RUNX2: variants seen among roughly 807,000 people sequenced by gnomAD.
RUNX2 encodes the protein RUNX family transcription factor 2, also known as runt-related transcription factor 2.
In RUNX2, 10 loss-of-function variants were observed where a neutral mutation model predicts 51.7. The ratio of observed to expected loss-of-function variants is 0.19; its 90% CI spans 0.12 to 0.33. RUNX2 has a LOEUF of 0.33. RUNX2 is among the 10% of genes least tolerant of loss of function. The pLI, the probability that RUNX2 is intolerant of heterozygous loss-of-function variation, is 1.00. For synonymous variants in RUNX2, 276 were observed against 273.6 expected (o/e 1.01, Z -0.09); for missense variants, 562 against 691.3 (o/e 0.81, Z 2.10).
At chr6:45,465,255 A>T (rs1019060748) in intron 5 of RUNX2, among the ~76,000 whole-genome samples, 1 of 152,150 alleles carries the variant, frequency 6.6e-6, no homozygotes, top group Admixed American at 6.5e-5. Context: ...ATCCCAGAGG[A>T]TCTTTCAGAG....
chr6:45,340,643 GA>G (rs776564679), intron 2 of RUNX2, among the ~76,000 whole-genome samples: 3 of 149,562 alleles, frequency 2.0e-5, no homozygotes, highest in Non-Finnish European at 3.0e-5. Context: ...AGTTTGATCA[GA>G]AAAAAAAAGT....
intron 8 of RUNX2, 59 bp from the exon 9 acceptor site, chr6:45,546,768 A>G: frequency 7.3e-7 from 1 of 1,373,434 alleles, no homozygotes; most frequent in South Asian, 1.2e-5. Context: ...TAACAATTCT[A>G]TCATTATTTT....
chr6:45,419,668 C>T (rs1373081010), intron 2 of RUNX2, among the ~76,000 whole-genome samples: 1 of 152,150 alleles, frequency 6.6e-6, no homozygotes, highest in African/African-American at 2.4e-5. Context: ...CGGCGGTGCC[C>T]GGGGTTAGAG....
chr6:45,453,861 A>G (rs1351960269), intron 5 of RUNX2, among the ~76,000 whole-genome samples: 2 of 152,230 alleles, frequency 1.3e-5, no homozygotes, highest in African/African-American at 2.4e-5. Flanking sequence ...CCAGGGATCC[A>G]AGAGTTTTTG....
intron 2 of RUNX2, among the ~76,000 whole-genome samples, chr6:45,345,234 A>C (rs1488156571): frequency 6.6e-6 from 1 of 152,170 alleles, no homozygotes; most frequent in Non-Finnish European, 1.5e-5. Context: ...ACTTCTGTTC[A>C]CTTGATTGTT....
intron 5 of RUNX2, among the ~76,000 whole-genome samples, chr6:45,475,967 T>C (rs553785056): frequency 1.3e-5 from 2 of 152,368 alleles, no homozygotes; most frequent in Admixed American, 6.5e-5. Context: ...CTGTTTTTTA[T>C]AGGGAAAAGT....
Position 45,464,184 on chromosome 6 carries a change from C to A in RUNX2, c.685+26133C>A, listed in dbSNP as rs373408962. The stretch of plus-strand genomic sequence containing the variant: ...TTCCAGCCTGGGCGACAGAGCGAGA[C>A]TCCGTCTAAAAAAAAAAAAAAATGT... On this transcript the variant is annotated intron_variant, in intron 5 of 8. Coordinates refer to ENST00000647337, the MANE Select transcript of RUNX2 (RefSeq NM_001024630.4). Among the ~76,000 whole-genome samples the A allele has an allele frequency of 1.5e-4, 21 of 144,212 alleles. 1 individual carries two copies. Among genetic ancestry groups the A allele is most frequent in the African/African-American group, 5.2e-4 (21 of 40,518 alleles). 94.6% of individuals were successfully genotyped at this position (144,212 alleles called of 152,430 possible). A position where few individuals can be genotyped will look rare whatever the true frequency, so the allele number is the denominator to read the frequency against.
Position 45,328,661 on chromosome 6 carries a change from T to C in RUNX2, c.-66T>C, listed in dbSNP as rs190642427. ...GTTTGGGTATGGTTTGTATTTTCAG[T>C]TTAAGGCTGCAAGCAGTATTTACAA... On this transcript the variant is annotated splice_region_variant and 5_prime_UTR_variant, in exon 2 of 9. Coordinates refer to ENST00000647337, the MANE Select transcript of RUNX2 (RefSeq NM_001024630.4). The C allele has an allele frequency of 2.7e-4, 437 of 1,611,312 alleles. No homozygotes were observed. In the African/African-American group the frequency reaches 5.2e-3, roughly 19 times the overall value.
At chr6:45,358,091 G>C (rs1390883736) in intron 2 of RUNX2, among the ~76,000 whole-genome samples, 3 of 151,964 alleles carry the variant, frequency 2.0e-5, no homozygotes, top group African/African-American at 7.3e-5. Context: ...TTAAAAAAGA[G>C]AGACAGGAAA....
At chr6:45,389,604 G>A (rs1797425982) in intron 2 of RUNX2, among the ~76,000 whole-genome samples, 1 of 152,134 alleles carries the variant, frequency 6.6e-6, no homozygotes, top group Admixed American at 6.6e-5. Context: ...AGTAAATAAT[G>A]GATCATTGTA....
At chr6:45,456,070 G>C (rs1316185665) in intron 5 of RUNX2, among the ~76,000 whole-genome samples, 1 of 151,808 alleles carries the variant, frequency 6.6e-6, no homozygotes, top group East Asian at 1.9e-4. Context: ...AATTTAATTA[G>C]TATACAGGAA....
chr6:45,469,516 T>TG (rs376709271), intron 5 of RUNX2, among the ~76,000 whole-genome samples: 2 of 152,234 alleles, frequency 1.3e-5, no homozygotes, highest in African/African-American at 4.8e-5. Context: ...ATGTGTCCAC[T>TG]GGAATTATTA....
chr6:45,496,271 C>A (rs1002571835), intron 6 of RUNX2, among the ~76,000 whole-genome samples: 1 of 152,030 alleles, frequency 6.6e-6, no homozygotes, highest in African/African-American at 2.4e-5. Flanking sequence ...ACATTCATCT[C>A]GCTTTTAGGG....
Position 45,479,597 on chromosome 6 carries a change from C to T in RUNX2, c.686-12344C>T, listed in dbSNP as rs569477918. On this transcript the variant is annotated intron_variant, in intron 5 of 8. Coordinates refer to ENST00000647337, the MANE Select transcript of RUNX2 (RefSeq NM_001024630.4). ...ATAAATTTATAACCACATATATGTA[C>T]GTATATGTGGAAAAGGGAATATATT... is the stretch of plus-strand genomic sequence containing the variant. 6.6e-5 allele frequency among the ~76,000 whole-genome samples: 10 copies of T among 152,066 alleles called. No individual in the cohort carries two copies. The East Asian group carries it at 7.7e-4, about 12-fold the overall frequency.
At chr6:45,494,421 C>T (rs1285621281) in intron 6 of RUNX2, among the ~76,000 whole-genome samples, 1 of 152,172 alleles carries the variant, frequency 6.6e-6, no homozygotes, top group African/African-American at 2.4e-5. Flanking sequence ...TTTCTAGGTA[C>T]TGATAGCTTC....
At chr6:45,508,286 T>A (rs1341634145) in intron 6 of RUNX2, among the ~76,000 whole-genome samples, 1 of 137,998 alleles carries the variant, frequency 7.2e-6, no homozygotes, top group Non-Finnish European at 1.5e-5. Flanking sequence ...TGGAGTGCAA[T>A]GGCGTGATCT....
At chr6:45,455,891 C>T (rs1330571798) in intron 5 of RUNX2, among the ~76,000 whole-genome samples, 1 of 152,088 alleles carries the variant, frequency 6.6e-6, no homozygotes, top group African/African-American at 2.4e-5. Context: ...GATAAATGCC[C>T]TGCCATTGTA....
chr6:45,337,779 T>G (rs751379591), intron 2 of RUNX2, among the ~76,000 whole-genome samples: 1 of 151,990 alleles, frequency 6.6e-6, no homozygotes, highest in African/African-American at 2.4e-5. Flanking sequence ...TTATGTTTAT[T>G]TTTGTTTATT....
rs11498200 is a variant in RUNX2 at position 45,492,006 on chromosome 6, C to G, written c.751C>G (p.Arg251Gly). ...CTCTGACCGCCTCAGTGATTTAGGG[C>G]GCATTCCTCATCCCAGTATGAGAGT... ...LFSDRLSDLG[R>G]IPHPSMRVGV... is the part of the protein sequence containing the mutation. The change falls in exon 6 of 9, where the codon CGC (arginine) becomes GGC (glycine). Residue 251 changes from arginine to glycine, a missense_variant. Physicochemically the swap from Arg to Gly is moderately radical, Grantham distance 125 (BLOSUM62 -2). Coordinates refer to ENST00000647337, the MANE Select transcript of RUNX2 (RefSeq NM_001024630.4). 2 of 1,613,802 alleles carry G rather than the reference C, an allele frequency of 1.2e-6. No homozygotes were observed. Among genetic ancestry groups the G allele is most frequent in the African/African-American group, 1.3e-5 (1 of 74,884 alleles).
Sources: allele counts gnomAD v4.1 joint callset (sites outside exome capture counted in the v4.1 genomes callset), GRCh38; gene constraint gnomAD v4.1.1; transcripts MANE v1.5; gene names NCBI Gene and HGNC (gene_info 2026-07-23, HGNC 2026-07-21).